ANKRD30A: variants seen among roughly 807,000 people sequenced by gnomAD.
ANKRD30A encodes ankyrin repeat domain 30A.
ANKRD30A carries 170 observed loss-of-function variants against 166.3 expected under a neutral mutation model. The observed-to-expected ratio is 1.02, with a 90% CI of 0.90 to 1.16. ANKRD30A has a LOEUF of 1.16. ANKRD30A is among the 50% of genes most tolerant of loss of function. ANKRD30A has a pLI of 0.00. For synonymous variants in ANKRD30A, 564 were observed against 508.9 expected (o/e 1.11, Z -1.46); for missense variants, 1,630 against 1,518.0 (o/e 1.07, Z -1.23).
At chr10:37,208,260 G>A (rs1299556713) in intron 31 of ANKRD30A, among the ~76,000 whole-genome samples, 1 of 152,040 alleles carries the variant, frequency 6.6e-6, no homozygotes, top group Non-Finnish European at 1.5e-5. Context: ...CCTCATTAGG[G>A]TATCCAAACA....
intron 6 of ANKRD30A, among the ~76,000 whole-genome samples, chr10:37,138,411 A>C (rs1836863723): frequency 6.6e-6 from 1 of 152,214 alleles, no homozygotes; most frequent in African/African-American, 2.4e-5. Context: ...AGAAGGCTTC[A>C]GACGATCAAA....
intron 13 of ANKRD30A, among the ~76,000 whole-genome samples, chr10:37,157,694 A>C (rs899366164): frequency 1.3e-5 from 2 of 152,176 alleles, no homozygotes; most frequent in Admixed American, 6.5e-5. Context: ...GTTGATGGGT[A>C]CGCTTGGACC....
At chr10:37,179,028 A>G (rs1313152164) in intron 24 of ANKRD30A, among the ~76,000 whole-genome samples, 4 of 45,678 alleles carry the variant, frequency 8.8e-5, no homozygotes, top group African/African-American at 2.9e-4. Flanking sequence ...ATATATATAT[A>G]TATATATATA....
At chr10:37,179,039 TA>T (rs1839974995) in intron 24 of ANKRD30A, among the ~76,000 whole-genome samples, 5 of 121,360 alleles carry the variant, frequency 4.1e-5, no homozygotes, top group Admixed American at 7.8e-5. Flanking sequence ...TATATATATA[TA>T]TATATATATA....
downstream of ANKRD30A, among the ~76,000 whole-genome samples, chr10:37,235,388 A>T (rs1843628116): frequency 6.6e-6 from 1 of 152,192 alleles, no homozygotes; most frequent in Non-Finnish European, 1.5e-5. Context: ...TTGCCTTCAG[A>T]CATTAAACTA....
intron 34 of ANKRD30A, among the ~76,000 whole-genome samples, chr10:37,229,561 A>T (rs941263373): frequency 6.6e-6 from 1 of 151,988 alleles, no homozygotes; most frequent in Non-Finnish European, 1.5e-5. Context: ...AGTTAACTGT[A>T]TTCACTCTAC....
the ANKRD30A span, among the ~76,000 whole-genome samples, chr10:37,250,606 G>A: frequency 1.3e-5 from 2 of 152,072 alleles, no homozygotes; most frequent in African/African-American, 2.4e-5. Flanking sequence ...TTAAGAGATG[G>A]GGCCTCTTGG....
the ANKRD30A span, among the ~76,000 whole-genome samples, chr10:37,253,784 A>AC: frequency 1.3e-5 from 2 of 151,698 alleles, no homozygotes; most frequent in African/African-American, 4.8e-5. Context: ...AGTAGCTGGG[A>AC]CCACAGGTGC....
downstream of ANKRD30A, among the ~76,000 whole-genome samples, chr10:37,236,907 C>A (rs547474816): frequency 6.6e-6 from 1 of 152,260 alleles, no homozygotes; most frequent in South Asian, 2.1e-4. Flanking sequence ...TTTTCTCCTT[C>A]GAGTTCCTTT....
chr10:37,231,507 A>G lies in ANKRD30A; in HGVS notation c.*38A>G. 6.4e-7 allele frequency: 1 copy of G among 1,563,900 alleles called. No homozygotes were observed. The highest frequency in any genetic ancestry group is 8.7e-7 in the Non-Finnish European group (1 of 1,150,056). On this transcript the variant is annotated 3_prime_UTR_variant, in exon 35 of 36. Coordinates refer to ENST00000361713, the MANE Select transcript of ANKRD30A (RefSeq NM_052997.3). ...AAGAAACTTCTTTTGGAGAAACAAC[A>G]GACCAGATCTTTACTCACAACTCAT...
At chr10:37,209,560 C>G (rs1319608076) in intron 31 of ANKRD30A, among the ~76,000 whole-genome samples, 1 of 152,066 alleles carries the variant, frequency 6.6e-6, no homozygotes, top group African/African-American at 2.4e-5. Context: ...CACCTCTCAC[C>G]AAGCTTTACT....
chr10:37,206,604 A>G (rs376815625), intron 31 of ANKRD30A, among the ~76,000 whole-genome samples: 9 of 152,264 alleles, frequency 5.9e-5, no homozygotes, highest in Admixed American at 2.0e-4. Context: ...AGCCTGGCCA[A>G]CATGGTGAAA....
At chr10:37,239,115 G>C in the ANKRD30A span, among the ~76,000 whole-genome samples, 45 of 152,226 alleles carry the variant, frequency 3.0e-4, no homozygotes, top group African/African-American at 1.0e-3. Context: ...ACTCCAGATG[G>C]AAACACTTGC....
chr10:37,198,536 T>G (rs1259485953), intron 29 of ANKRD30A, among the ~76,000 whole-genome samples: 1 of 152,102 alleles, frequency 6.6e-6, no homozygotes, highest in Non-Finnish European at 1.5e-5. Flanking sequence ...TTAAGATATT[T>G]CCTTGTTCAA....
intron 29 of ANKRD30A, 51 bp downstream of exon 29, chr10:37,197,531 T>G (rs1209526558): frequency 1.2e-6 from 2 of 1,609,516 alleles, no homozygotes; most frequent in Non-Finnish European, 1.7e-6. Flanking sequence ...ATATTGAACA[T>G]TTTGATGGTC....
chr10:37,198,492 A>G (rs577081693), intron 29 of ANKRD30A, among the ~76,000 whole-genome samples: 1 of 152,178 alleles, frequency 6.6e-6, no homozygotes, highest in South Asian at 2.1e-4. Context: ...TTATCTGCTG[A>G]TTTTTTGGTT....
chr10:37,130,639 G>A (rs563616568), intron 3 of ANKRD30A, among the ~76,000 whole-genome samples: 321 of 151,522 alleles, frequency 2.1e-3, no homozygotes, highest in Middle Eastern at 0.02. Context: ...TCCCATCCAA[G>A]TTTTTTTTTC....
the ANKRD30A span, among the ~76,000 whole-genome samples, chr10:37,258,011 T>C: frequency 1.3e-5 from 2 of 152,240 alleles, no homozygotes; most frequent in South Asian, 4.1e-4. Context: ...AAATACCTAA[T>C]GCATGTGGGG....
chr10:37,133,534 C>T (rs1836498352), intron 4 of ANKRD30A, among the ~76,000 whole-genome samples: 1 of 152,156 alleles, frequency 6.6e-6, no homozygotes, highest in African/African-American at 2.4e-5. Context: ...TATCATTATT[C>T]CTAATATTGT....
Sources: gnomAD v4.1 joint callset for allele counts (sites outside exome capture counted in the v4.1 genomes callset) on GRCh38, gnomAD v4.1.1 for gene constraint, MANE v1.5 for transcripts, NCBI Gene and HGNC (gene_info 2026-07-23, HGNC 2026-07-21) for gene names.